TMEM108: variants seen among roughly 807,000 people sequenced by gnomAD.
The protein encoded by TMEM108 is cancer/testis antigen 124.
Under a neutral mutation model 35.1 loss-of-function variants are expected in TMEM108, and 12 were observed. The ratio of observed to expected loss-of-function variants is 0.34; its 90% CI spans 0.22 to 0.55. The LOEUF is 0.55. Among genes scored for constraint, TMEM108 ranks in the 20% least tolerant of loss-of-function variants. The probability of loss-of-function intolerance (pLI) is 0.89; values close to 1 mark genes in which losing one functional copy is unlikely to be tolerated. For synonymous variants in TMEM108, 287 were observed against 308.6 expected (o/e 0.93, Z 0.73); for missense variants, 680 against 753.3 (o/e 0.90, Z 1.14).
chr3:133,136,442 C>G (rs975598073), intron 2 of TMEM108, among the ~76,000 whole-genome samples: 1 of 152,242 alleles, frequency 6.6e-6, no homozygotes. Flanking sequence ...AGATCAGATT[C>G]TCCCCTGGAG....
At chr3:133,128,421 A>AG (rs1346423857) in intron 2 of TMEM108, among the ~76,000 whole-genome samples, 2 of 152,206 alleles carry the variant, frequency 1.3e-5, no homozygotes, top group South Asian at 2.1e-4. Context: ...ATTAACCTGA[A>AG]TAGAAATGCA....
intron 3 of TMEM108, among the ~76,000 whole-genome samples, chr3:133,261,588 T>C (rs1389442071): frequency 7.9e-5 from 12 of 152,324 alleles, no homozygotes; most frequent in African/African-American, 2.6e-4. Flanking sequence ...GTAAAGGGTG[T>C]CTGAAAGCAC....
At chr3:133,308,512 C>T (rs1221051302) in intron 3 of TMEM108, among the ~76,000 whole-genome samples, 2 of 152,078 alleles carry the variant, frequency 1.3e-5, no homozygotes, top group Admixed American at 6.6e-5. Flanking sequence ...ATAAATAGCT[C>T]TTACTGTTTT....
At chr3:133,155,416 A>G (rs1944866428) in intron 2 of TMEM108, among the ~76,000 whole-genome samples, 1 of 152,074 alleles carries the variant, frequency 6.6e-6, no homozygotes, top group South Asian at 2.1e-4. Context: ...TTCTGTTTTT[A>G]GTTTTTTGAG....
At chr3:133,179,251 T>A (rs372806282) in intron 2 of TMEM108, among the ~76,000 whole-genome samples, 1 of 152,078 alleles carries the variant, frequency 6.6e-6, no homozygotes, top group Admixed American at 6.5e-5. Context: ...AGTGTGGCGA[T>A]TCCTCAGAGA....
chr3:133,378,440 A>G (rs2072906818), intron 3 of TMEM108: 2 of 985,434 alleles, frequency 2.0e-6, no homozygotes, highest in Non-Finnish European at 2.4e-6. Flanking sequence ...ACGCTCTGAG[A>G]GAGTAATTAG....
chr3:133,328,240 C>T (rs992073656), intron 3 of TMEM108, among the ~76,000 whole-genome samples: 1 of 152,104 alleles, frequency 6.6e-6, no homozygotes, highest in South Asian at 2.1e-4. Context: ...TTTAGGACAA[C>T]GGTGTGTGCC....
intron 3 of TMEM108, among the ~76,000 whole-genome samples, chr3:133,275,897 G>GTA (rs1946832475): frequency 6.6e-6 from 1 of 152,166 alleles, no homozygotes; most frequent in African/African-American, 2.4e-5. Context: ...AAACTGTTCA[G>GTA]TATTAGGTTC....
At chr3:133,222,292 A>G (rs956929786) in intron 2 of TMEM108, among the ~76,000 whole-genome samples, 1 of 152,062 alleles carries the variant, frequency 6.6e-6, no homozygotes, top group Non-Finnish European at 1.5e-5. Context: ...CCTTTTTGGA[A>G]CTCCATTTTA....
intron 3 of TMEM108, among the ~76,000 whole-genome samples, chr3:133,302,148 C>A (rs1157211461): frequency 6.6e-6 from 1 of 152,172 alleles, no homozygotes; most frequent in Non-Finnish European, 1.5e-5. Flanking sequence ...TCTAGTGAAT[C>A]CATGATCTTG....
Position 133,117,058 on chromosome 3 carries a change from C to T in TMEM108, c.-47+71038C>T, listed in dbSNP as rs1367139000. Among the ~76,000 whole-genome samples, 4 of 152,362 alleles carry T rather than the reference C, an allele frequency of 2.6e-5. No individual in the cohort carries two copies. The East Asian group carries it at 7.7e-4, about 29-fold the overall frequency. On this transcript the variant is annotated intron_variant, in intron 2 of 5. Coordinates refer to ENST00000321871, the MANE Select transcript of TMEM108 (RefSeq NM_023943.4). ...GTGCTGGGATTACAGGTATGAGCTG[C>T]CGCACCCGGCCTGATTTACCTGCAT...
intron 3 of TMEM108, among the ~76,000 whole-genome samples, chr3:133,240,387 TCTG>T (rs1371549127): frequency 5.9e-5 from 9 of 152,214 alleles, no homozygotes; most frequent in Non-Finnish European, 1.0e-4. Flanking sequence ...ACAATTCTCT[TCTG>T]CAGATAAAAC....
chr3:133,040,537 G>A (rs186550636), intron 1 of TMEM108, among the ~76,000 whole-genome samples: 1 of 152,094 alleles, frequency 6.6e-6, no homozygotes, highest in East Asian at 1.9e-4. Flanking sequence ...TGGAGTAGAG[G>A]GGAGAAAAGA....
At chr3:133,138,778 T>C (rs991116732) in intron 2 of TMEM108, among the ~76,000 whole-genome samples, 1 of 152,100 alleles carries the variant, frequency 6.6e-6, no homozygotes, top group Non-Finnish European at 1.5e-5. Context: ...TTTTTTTTTT[T>C]AATACTTTAA....
At chr3:133,246,858 A>G (rs914212018) in intron 3 of TMEM108, 2 of 152,146 alleles carry the variant, frequency 1.3e-5, no homozygotes, top group Non-Finnish European at 2.9e-5. Flanking sequence ...TCTACCAGCA[A>G]CTCCAAAGGA....
chr3:133,260,355 A>G (rs990609331), intron 3 of TMEM108, among the ~76,000 whole-genome samples: 2 of 152,200 alleles, frequency 1.3e-5, no homozygotes, highest in Non-Finnish European at 2.9e-5. Context: ...TGGGGTTACT[A>G]TGATGGCATG....
chr3:133,102,331 C>A (rs759628909), intron 2 of TMEM108, among the ~76,000 whole-genome samples: 1 of 152,086 alleles, frequency 6.6e-6, no homozygotes, highest in Non-Finnish European at 1.5e-5. Flanking sequence ...TTTACAGTAC[C>A]CTAAATATGT....
chr3:133,173,473 TGTTAA>T (rs954021224), intron 2 of TMEM108, among the ~76,000 whole-genome samples: 7 of 152,258 alleles, frequency 4.6e-5, no homozygotes, highest in African/African-American at 7.2e-5. Flanking sequence ...GCACACTAGC[TGTTAA>T]GTTTTTTTGA....
At chr3:133,164,796 C>T (rs929632009) in intron 2 of TMEM108, among the ~76,000 whole-genome samples, 2 of 151,964 alleles carry the variant, frequency 1.3e-5, no homozygotes, top group Non-Finnish European at 2.9e-5. Flanking sequence ...CTTTTGTGAA[C>T]TTTAAATGTT....
Sources: gnomAD v4.1 joint callset for allele counts (sites outside exome capture counted in the v4.1 genomes callset) on GRCh38, gnomAD v4.1.1 for gene constraint, MANE v1.5 for transcripts, NCBI Gene and HGNC (gene_info 2026-07-23, HGNC 2026-07-21) for gene names.